Variants in CNTNAP2 observed in about 807,000 individuals in gnomAD.
CNTNAP2 encodes the protein contactin-associated protein-like 2.
A neutral mutation model predicts 155.2 loss-of-function variants in CNTNAP2; 98 were observed. The ratio of observed to expected loss-of-function variants is 0.63; its 90% CI spans 0.54 to 0.75. The LOEUF (loss-of-function observed/expected upper bound fraction) is 0.75, where lower values mean the gene tolerates loss of function less well. CNTNAP2 is among the 30% of genes least tolerant of loss of function. CNTNAP2 has a pLI of 0.00. For missense variants in CNTNAP2, 1,727 were observed against 1,688.1 expected (o/e 1.02, Z -0.40); for synonymous variants, 651 against 631.2 (o/e 1.03, Z -0.47).
chr7:147,231,002 T>C lies in CNTNAP2; in HGVS notation c.1349-69139T>C, dbSNP rs1283005340. Among the ~76,000 whole-genome samples, 3 of 152,124 alleles carry C rather than the reference T, an allele frequency of 2.0e-5. No individual in the cohort carries two copies. The East Asian group carries it at 5.8e-4, about 29-fold the overall frequency. ...GACCTCAGGAAACTTACAATCATGG[T>C]AGAAGGCAGAAGACAAAAAGGAATC... On this transcript the variant is annotated intron_variant, in intron 8 of 23. Coordinates refer to ENST00000361727, the MANE Select transcript of CNTNAP2 (RefSeq NM_014141.6).
At chr7:146,740,556 T>C (rs1801694786) in intron 1 of CNTNAP2, among the ~76,000 whole-genome samples, 1 of 152,204 alleles carries the variant, frequency 6.6e-6, no homozygotes, top group Non-Finnish European at 1.5e-5. Context: ...GGGAAGTCAT[T>C]GCTTATTCCA....
At chr7:147,139,936 G>T (rs886525028) in intron 8 of CNTNAP2, among the ~76,000 whole-genome samples, 3 of 152,002 alleles carry the variant, frequency 2.0e-5, no homozygotes, top group Non-Finnish European at 2.9e-5. Flanking sequence ...GGCCCCATCT[G>T]CAATCATGAC....
chr7:147,928,219 A>T (rs1355297840), intron 14 of CNTNAP2, among the ~76,000 whole-genome samples: 2 of 152,094 alleles, frequency 1.3e-5, no homozygotes, highest in Non-Finnish European at 2.9e-5. Flanking sequence ...TTTTCTTTAT[A>T]AATTACCCAG....
intron 1 of CNTNAP2, among the ~76,000 whole-genome samples, chr7:146,476,964 G>A (rs1178089314): frequency 6.6e-6 from 1 of 152,094 alleles, no homozygotes; most frequent in Non-Finnish European, 1.5e-5. Context: ...TACTATCTTA[G>A]CAAGTTTTCT....
intron 13 of CNTNAP2, among the ~76,000 whole-genome samples, chr7:147,687,511 T>A (rs1796030338): frequency 6.6e-6 from 1 of 151,386 alleles, no homozygotes; most frequent in Non-Finnish European, 1.5e-5. Context: ...AGAAGGAGAG[T>A]GAATGAAATA....
At chr7:147,711,903 A>G (rs1203768887) in intron 13 of CNTNAP2, among the ~76,000 whole-genome samples, 1 of 152,146 alleles carries the variant, frequency 6.6e-6, no homozygotes, top group Non-Finnish European at 1.5e-5. Context: ...CTGCTTTTTT[A>G]TGGTAACTCT....
At chr7:146,367,541 G>C (rs1217980937) in intron 1 of CNTNAP2, among the ~76,000 whole-genome samples, 2 of 151,960 alleles carry the variant, frequency 1.3e-5, no homozygotes, top group Non-Finnish European at 2.9e-5. Flanking sequence ...TCAAATAATG[G>C]GGATAAAACA....
intron 1 of CNTNAP2, among the ~76,000 whole-genome samples, chr7:146,299,062 AG>A (rs1800561025): frequency 6.6e-6 from 1 of 152,046 alleles, no homozygotes; most frequent in African/African-American, 2.4e-5. Context: ...ACTTGAAGTC[AG>A]GAGCTCGAGA....
At chr7:146,504,904 G>A (rs1007643049) in intron 1 of CNTNAP2, among the ~76,000 whole-genome samples, 1 of 152,170 alleles carries the variant, frequency 6.6e-6, no homozygotes, top group African/African-American at 2.4e-5. Flanking sequence ...CACCTTTGGT[G>A]TGGTGATAAC....
At chr7:147,461,083 T>C (rs1008307201) in intron 10 of CNTNAP2, among the ~76,000 whole-genome samples, 8 of 152,190 alleles carry the variant, frequency 5.3e-5, no homozygotes, top group African/African-American at 1.9e-4. Context: ...AATTGCTTTT[T>C]AATATATAAT....
At chr7:146,535,097 A>ACATATATATATATAATG in intron 1 of CNTNAP2, among the ~76,000 whole-genome samples, 2 of 7,090 alleles carry the variant, frequency 2.8e-4, no homozygotes, top group Non-Finnish European at 3.9e-4. Context: ...TATTTTATAT[A>ACATATATATATATAATG]TATATTATAT....
intron 3 of CNTNAP2, among the ~76,000 whole-genome samples, chr7:146,957,283 T>G (rs1375611056): frequency 6.6e-6 from 1 of 152,166 alleles, no homozygotes; most frequent in Non-Finnish European, 1.5e-5. Flanking sequence ...TGTAATGCAT[T>G]GTCCTAAAAT....
At chr7:148,300,894 G>A (rs1006559406) in intron 21 of CNTNAP2, among the ~76,000 whole-genome samples, 4 of 152,126 alleles carry the variant, frequency 2.6e-5, no homozygotes, top group Admixed American at 2.6e-4. Flanking sequence ...TTGTTTAATG[G>A]GTATAGAGTT....
chr7:147,742,631 A>G (rs1796973216), intron 13 of CNTNAP2, among the ~76,000 whole-genome samples: 1 of 152,198 alleles, frequency 6.6e-6, no homozygotes, highest in South Asian at 2.1e-4. Flanking sequence ...GGCTTTGAAT[A>G]AGGTTTCGCT....
chr7:147,408,268 G>A (rs1237726739), intron 10 of CNTNAP2, among the ~76,000 whole-genome samples: 1 of 152,198 alleles, frequency 6.6e-6, no homozygotes, highest in Admixed American at 6.5e-5. Context: ...TTCTCCCTGG[G>A]ATCTAGGTTG....
At chr7:147,794,958 A>G (rs1039812633) in intron 13 of CNTNAP2, among the ~76,000 whole-genome samples, 1 of 151,194 alleles carries the variant, frequency 6.6e-6, no homozygotes, top group Non-Finnish European at 1.5e-5. Context: ...TGATTTTAGT[A>G]GTTTGAGTCT....
At chr7:146,247,311 T>A (rs1478361384) in intron 1 of CNTNAP2, among the ~76,000 whole-genome samples, 1 of 152,078 alleles carries the variant, frequency 6.6e-6, no homozygotes. Flanking sequence ...GCTGAGCAGG[T>A]GCCGGAGGGC....
chr7:147,189,732 A>G (rs1802639823), intron 8 of CNTNAP2, among the ~76,000 whole-genome samples: 1 of 135,210 alleles, frequency 7.4e-6, no homozygotes, highest in African/African-American at 2.6e-5. Flanking sequence ...TTGGGCTCAC[A>G]TTAACACCAC....
chr7:148,054,123 C>T (rs549456372), intron 15 of CNTNAP2, among the ~76,000 whole-genome samples: 15 of 152,180 alleles, frequency 9.9e-5, no homozygotes, highest in Non-Finnish European at 1.9e-4. Flanking sequence ...CAGGTACCCG[C>T]CACCACACCC....
Sources: allele counts gnomAD v4.1 joint callset (sites outside exome capture counted in the v4.1 genomes callset), GRCh38; gene constraint gnomAD v4.1.1; transcripts MANE v1.5; gene names NCBI Gene and HGNC (gene_info 2026-07-23, HGNC 2026-07-21).